GRIN2A: variants seen among roughly 807,000 people sequenced by gnomAD.
GRIN2A encodes the protein glutamate ionotropic receptor NMDA type subunit 2A, also known as glutamate receptor ionotropic, NMDA 2A.
A neutral mutation model predicts 113.4 loss-of-function variants in GRIN2A; 22 were observed. That is an observed-to-expected ratio of 0.19 (90% CI 0.14 to 0.28). GRIN2A has a LOEUF of 0.28. GRIN2A is among the 10% of genes least tolerant of loss of function. The probability of loss-of-function intolerance (pLI) is 1.00; values close to 1 mark genes in which losing one functional copy is unlikely to be tolerated. For missense variants in GRIN2A, 1,502 were observed against 1,887.0 expected, an observed-to-expected ratio of 0.80 and a Z score of 3.78; for synonymous variants, 827 against 738.4, an observed-to-expected ratio of 1.12 and a Z score of -1.94.
chr16:9,858,698 A>AT (rs1193936731), intron 4 of GRIN2A, among the ~76,000 whole-genome samples: 2 of 152,160 alleles, frequency 1.3e-5, no homozygotes, highest in South Asian at 2.1e-4. Context: ...TCCTAGAAAG[A>AT]TTTTTTTTAA....
intron 4 of GRIN2A, among the ~76,000 whole-genome samples, chr16:9,868,963 C>G (rs2043209558): frequency 6.6e-6 from 1 of 152,162 alleles, no homozygotes; most frequent in Non-Finnish European, 1.5e-5. Context: ...AGCCTCTAAT[C>G]CCATAAAACT....
chr16:10,042,453 C>G (rs1174744108), intron 2 of GRIN2A, among the ~76,000 whole-genome samples: 1 of 152,126 alleles, frequency 6.6e-6, no homozygotes, highest in Non-Finnish European at 1.5e-5. Context: ...GCCATCCATG[C>G]CAGCCAGTCC....
At chr16:9,916,481 G>A (rs1029626262) in intron 3 of GRIN2A, among the ~76,000 whole-genome samples, 2 of 152,176 alleles carry the variant, frequency 1.3e-5, no homozygotes, top group Non-Finnish European at 2.9e-5. Context: ...TTATTGGGAA[G>A]GAAGGTACTG....
intron 4 of GRIN2A, among the ~76,000 whole-genome samples, chr16:9,868,689 T>A (rs2043204499): frequency 6.6e-6 from 1 of 152,176 alleles, no homozygotes. Flanking sequence ...CTAAGTGACC[T>A]GGCCTCCTCC....
chr16:10,147,298 A>G (rs1426434045), intron 2 of GRIN2A, among the ~76,000 whole-genome samples: 2 of 151,988 alleles, frequency 1.3e-5, no homozygotes, highest in Non-Finnish European at 2.9e-5. Flanking sequence ...CTAAAAGAAG[A>G]CACAGATTTT....
At chr16:10,153,543 C>G (rs1627364) in intron 2 of GRIN2A, among the ~76,000 whole-genome samples, 38,073 of 152,114 alleles carry the variant, frequency 0.25, 4,939 homozygotes, top group East Asian at 0.35. Flanking sequence ...TCTAAACACT[C>G]TACTATAGTT....
At position 9,876,620 on chromosome 16, in the gene GRIN2A, C is replaced by T. The variant is rs561139661; in HGVS notation, c.1122+14366G>A. Among the ~76,000 whole-genome samples the T allele has an allele frequency of 2.0e-4, 30 of 152,224 alleles. 1 individual carries two copies. The highest frequency in any genetic ancestry group is 4.6e-4 in the Admixed American group (7 of 15,286). On this transcript the variant is annotated intron_variant, in intron 4 of 12. Transcript: ENST00000330684. Reference sequence around the variant, plus strand: ...ATCACCCCAACATTCCCTAAAATCCCGGGGATATTTTATTAGTCATCTCTG... The same window carrying T: ...ATCACCCCAACATTCCCTAAAATCCTGGGGATATTTTATTAGTCATCTCTG...
At chr16:9,839,995 A>G (rs2141339683) in intron 7 of GRIN2A, among the ~76,000 whole-genome samples, 1 of 152,232 alleles carries the variant, frequency 6.6e-6, no homozygotes, top group East Asian at 1.9e-4. Context: ...GTGGGCACCT[A>G]TAATCCCAGC....
chr16:10,177,817 G>A (rs2050179447), intron 2 of GRIN2A, among the ~76,000 whole-genome samples: 1 of 152,130 alleles, frequency 6.6e-6, no homozygotes, highest in African/African-American at 2.4e-5. Context: ...TCACTAGCAG[G>A]CAGGGTCACT....
At chr16:10,176,751 T>C (rs2050155790) in intron 2 of GRIN2A, among the ~76,000 whole-genome samples, 1 of 151,588 alleles carries the variant, frequency 6.6e-6, no homozygotes, top group Non-Finnish European at 1.5e-5. Context: ...CTAATGTAAA[T>C]GACGAGTTAA....
intron 4 of GRIN2A, among the ~76,000 whole-genome samples, chr16:9,875,698 C>T (rs2043351079): frequency 6.6e-6 from 1 of 152,198 alleles, no homozygotes; most frequent in Non-Finnish European, 1.5e-5. Flanking sequence ...CTGCTGCTAT[C>T]AGATGCAATG....
intron 2 of GRIN2A, among the ~76,000 whole-genome samples, chr16:10,035,161 G>C (rs78001788): frequency 0.21 from 32,289 of 151,966 alleles, 4,155 homozygotes; most frequent in East Asian, 0.52. Context: ...GAGTAGCTGG[G>C]ACTACAGGCA....
intron 2 of GRIN2A, among the ~76,000 whole-genome samples, chr16:10,173,429 A>G (rs1264118437): frequency 1.3e-5 from 2 of 152,206 alleles, no homozygotes; most frequent in Admixed American, 6.5e-5. Context: ...AATTTATGCT[A>G]ATCCTCAGGA....
intron 4 of GRIN2A, among the ~76,000 whole-genome samples, chr16:9,880,138 G>A (rs2043447834): frequency 2.6e-5 from 4 of 152,096 alleles, no homozygotes. Flanking sequence ...TACCCAGGCT[G>A]GGCTCATATC....
At chr16:9,900,951 T>C (rs1329857738) in intron 3 of GRIN2A, among the ~76,000 whole-genome samples, 1 of 152,190 alleles carries the variant, frequency 6.6e-6, no homozygotes, top group Admixed American at 6.5e-5. Context: ...GCCAAATTAT[T>C]CAAGATCTCC....
chr16:9,889,814 C>T (rs756614783), intron 4 of GRIN2A, among the ~76,000 whole-genome samples: 7 of 152,120 alleles, frequency 4.6e-5, no homozygotes, highest in Non-Finnish European at 8.8e-5. Context: ...TCAAAGAATG[C>T]ACCCTCCATT....
chr16:9,854,053 G>T (rs530811582), intron 4 of GRIN2A, among the ~76,000 whole-genome samples: 8 of 152,180 alleles, frequency 5.3e-5, no homozygotes, highest in African/African-American at 1.7e-4. Flanking sequence ...CGTAATGATT[G>T]GTTTCTATGT....
At chr16:10,052,744 A>G (rs965928600) in intron 2 of GRIN2A, among the ~76,000 whole-genome samples, 3 of 152,186 alleles carry the variant, frequency 2.0e-5, no homozygotes, top group African/African-American at 7.2e-5. Flanking sequence ...CCTGAGCCCT[A>G]TCCTTAGAAT....
Position 10,070,685 on chromosome 16 carries a change from C to CCCTT in GRIN2A, c.414+109309_414+109312dup, listed in dbSNP as rs2047732354. ...TTCCAGATGATAAGTTTTTAGCAGG[C>CCCTT]CCTTCTTCCCCCTCTACTCCTGTGT... On this transcript the variant is annotated intron_variant, in intron 2 of 12. Coordinates refer to ENST00000330684, the MANE Select transcript of GRIN2A (RefSeq NM_001134407.3). Among the ~76,000 whole-genome samples the CCCTT allele has an allele frequency of 1.3e-5, 2 of 152,158 alleles. 1 individual carries two copies. Among genetic ancestry groups the CCCTT allele is most frequent in the South Asian group, 4.1e-4 (2 of 4,824 alleles).
Sources: allele counts gnomAD v4.1 joint callset (sites outside exome capture counted in the v4.1 genomes callset), GRCh38; gene constraint gnomAD v4.1.1; transcripts MANE v1.5; gene names NCBI Gene and HGNC (gene_info 2026-07-23, HGNC 2026-07-21).